CASZ1: variants seen among roughly 807,000 people sequenced by gnomAD.
The protein encoded by CASZ1 is zinc finger protein castor homolog 1.
A neutral mutation model predicts 135.2 loss-of-function variants in CASZ1; 28 were observed. That is an observed-to-expected ratio of 0.21 (90% CI 0.15 to 0.28). CASZ1 has a LOEUF of 0.28. Among genes scored for constraint, CASZ1 ranks in the 10% least tolerant of loss-of-function variants. The pLI, the probability that CASZ1 is intolerant of heterozygous loss-of-function variation, is 1.00. For synonymous variants in CASZ1, 1,068 were observed against 1,073.4 expected, an observed-to-expected ratio of 0.99 and a Z score of 0.10; for missense variants, 2,161 against 2,453.3, an observed-to-expected ratio of 0.88 and a Z score of 2.52.
chr1:10,792,219 GT>G lies in CASZ1; in HGVS notation c.-234+4344del, dbSNP rs34902302. ...ATTTCCTATAGCAGGGGTGGAGTCA[GT>G]TTTTTTTTTTTTTAAGTGTGCTCTT... is the stretch of plus-strand genomic sequence containing the variant. On this transcript the variant is annotated intron_variant, in intron 1 of 20. Coordinates refer to ENST00000377022, the MANE Select transcript of CASZ1 (RefSeq NM_001079843.3). Among the ~76,000 whole-genome samples the G allele has an allele frequency of 1.0e-2, 1,257 of 126,120 alleles. 14 individuals are homozygous for G. Among genetic ancestry groups the G allele is most frequent in the East Asian group, 0.02 (75 of 3,694 alleles). 82.7% of individuals were successfully genotyped at this position (126,120 alleles called of 152,430 possible). A position where few individuals can be genotyped will look rare whatever the true frequency, so the allele number is the denominator to read the frequency against.
chr1:10,783,368 C>A (rs1371806566), intron 1 of CASZ1, among the ~76,000 whole-genome samples: 2 of 151,560 alleles, frequency 1.3e-5, no homozygotes, highest in African/African-American at 4.9e-5. Context: ...TGTAAGAGTT[C>A]ATTCCAGGGC....
intron 1 of CASZ1, among the ~76,000 whole-genome samples, chr1:10,765,766 C>G (rs1414565266): frequency 6.6e-6 from 1 of 152,180 alleles, no homozygotes; most frequent in Non-Finnish European, 1.5e-5. Context: ...GCTTATGCGG[C>G]CTTTCCACAC....
At chr1:10,787,418 C>G (rs906893496) in intron 1 of CASZ1, among the ~76,000 whole-genome samples, 1 of 152,244 alleles carries the variant, frequency 6.6e-6, no homozygotes, top group Non-Finnish European at 1.5e-5. Context: ...CCCCAAGGAT[C>G]AGATTTCCCC....
Position 10,694,630 on chromosome 1 carries a change from C to CCCGCCCGCCGCCCG in CASZ1, c.-23-732_-23-719dup, listed in dbSNP as rs1345984841. Reference sequence around the variant, plus strand: ...GCCGCCGCCGCCGCCGCCCGGTGCGCCCGCCCGCCGCCCGCCGCCCGGTGC... The same window carrying CCCGCCCGCCGCCCG: ...GCCGCCGCCGCCGCCGCCCGGTGCGCCCGCCCGCCGCCCGCCGCCCGCCGCCCGCCGCCCGGTGC... On this transcript the variant is annotated intron_variant, in intron 3 of 20. Transcript: ENST00000377022. This position sits in a 1 kb window ranked among gnomAD's most constrained non-coding sequence, Gnocchi z 6.6. 7.0e-6 allele frequency among the ~76,000 whole-genome samples: 1 copy of CCCGCCCGCCGCCCG among 143,332 alleles called. No homozygotes were observed. The highest frequency in any genetic ancestry group is 2.5e-5 in the African/African-American group (1 of 39,952). 94.0% of individuals were successfully genotyped at this position (143,332 alleles called of 152,430 possible). A position where few individuals can be genotyped will look rare whatever the true frequency, so the allele number is the denominator to read the frequency against.
rs1640680312 is a variant in CASZ1, at chr1:10,777,392, G to A, written c.-233-16535C>T. ...ACCCACAAGCCTCCTTTCTCTTATT[G>A]GTCAAACCACCGCATCATTCCCACA... On this transcript the variant is annotated intron_variant, in intron 1 of 20. Transcript: ENST00000377022. This position sits in a 1 kb window ranked among gnomAD's most constrained non-coding sequence, Gnocchi z 4.4. 6.6e-6 allele frequency among the ~76,000 whole-genome samples: 1 copy of A among 151,942 alleles called. No individual in the cohort carries two copies. The highest frequency in any genetic ancestry group is 2.4e-5 in the African/African-American group (1 of 41,314).
intron 4 of CASZ1, among the ~76,000 whole-genome samples, chr1:10,678,009 C>A (rs1207216600): frequency 6.6e-6 from 1 of 152,212 alleles, no homozygotes; most frequent in African/African-American, 2.4e-5. Context: ...AGGAGGGGAC[C>A]TTTCTCTTGC....
chr1:10,641,700 G>T (rs1272218801), intron 20 of CASZ1, among the ~76,000 whole-genome samples: 1 of 152,216 alleles, frequency 6.6e-6, no homozygotes, highest in African/African-American at 2.4e-5. Context: ...GAAGGGACAG[G>T]TCCTGCCTTG....
intron 13 of CASZ1, 25 bp from the exon 14 acceptor site, chr1:10,649,462 G>A: frequency 1.3e-6 from 2 of 1,591,012 alleles, no homozygotes; most frequent in East Asian, 2.3e-5. Flanking sequence ...GGCCGAGCAT[G>A]GGGCTGGGGT....
intron 3 of CASZ1, among the ~76,000 whole-genome samples, chr1:10,696,861 T>A (rs1638944746): frequency 6.6e-6 from 1 of 152,150 alleles, no homozygotes; most frequent in African/African-American, 2.4e-5. Flanking sequence ...AAGGAAAGCA[T>A]CTTCCCTCCA....
chr1:10,728,123 C>A (rs1426461755), intron 2 of CASZ1, among the ~76,000 whole-genome samples: 1 of 152,226 alleles, frequency 6.6e-6, no homozygotes, highest in Non-Finnish European at 1.5e-5. Context: ...TGGCACCATG[C>A]CTGCCACATA....
At position 10,665,552 on chromosome 1, in the gene CASZ1, C is replaced by T. The variant is rs376260596; in HGVS notation, c.36G>A (p.Thr12=). ...DLGTAEGTRC[T]DPPAGKPAMA... ...TGGCGGGCTTGCCTGCAGGCGGGTC[C>T]GTGCACCGGGTGCCCTCAGCTGCAG... The change falls in exon 5 of 21, where the codon ACG becomes ACA. Residue 12 remains threonine (T), a synonymous_variant. Coordinates refer to ENST00000377022, the MANE Select transcript of CASZ1 (RefSeq NM_001079843.3). 26 of 1,569,552 alleles carry T rather than the reference C, an allele frequency of 1.7e-5. No homozygotes were observed. Among genetic ancestry groups the T allele is most frequent in the East Asian group, 6.9e-5 (3 of 43,380 alleles).
chr1:10,684,005 A>G (rs1638506957), intron 4 of CASZ1, among the ~76,000 whole-genome samples: 1 of 152,228 alleles, frequency 6.6e-6, no homozygotes, highest in African/African-American at 2.4e-5. Flanking sequence ...GCCCCGCACC[A>G]AGTCCTCTGA....
Position 10,777,404 on chromosome 1 carries a change from G to A in CASZ1, c.-233-16547C>T, listed in dbSNP as rs931528276. ...CCTTTCTCTTATTGGTCAAACCACC[G>A]CATCATTCCCACAAAATCCTCTGAG... On this transcript the variant is annotated intron_variant, in intron 1 of 20. Transcript: ENST00000377022. This position sits in a 1 kb window ranked among gnomAD's most constrained non-coding sequence, Gnocchi z 4.4. 5.9e-5 allele frequency among the ~76,000 whole-genome samples: 9 copies of A among 152,138 alleles called. No homozygotes were observed. The highest frequency in any genetic ancestry group is 2.1e-4 in the South Asian group (1 of 4,808).
At chr1:10,737,979 A>C (rs1639833302) in intron 2 of CASZ1, among the ~76,000 whole-genome samples, 1 of 152,160 alleles carries the variant, frequency 6.6e-6, no homozygotes, top group South Asian at 2.1e-4. Flanking sequence ...TTCCACAAAT[A>C]GTCACTCAAC....
At chr1:10,649,968 GGTC>G (rs1642509600) in intron 13 of CASZ1, 1 of 152,788 alleles carries the variant, frequency 6.5e-6, no homozygotes, top group Non-Finnish European at 1.5e-5. Flanking sequence ...GAAGGGAGGG[GGTC>G]GTGGGGGCGG....
intron 2 of CASZ1, among the ~76,000 whole-genome samples, chr1:10,712,538 G>A (rs1419720455): frequency 6.6e-6 from 1 of 152,134 alleles, no homozygotes; most frequent in East Asian, 1.9e-4. Context: ...GGGAAGCCAA[G>A]CCAGGGGGGT....
rs992750479 is a variant in CASZ1 at position 10,770,164 on chromosome 1, A to G, written c.-233-9307T>C. 3.3e-5 allele frequency among the ~76,000 whole-genome samples: 5 copies of G among 151,948 alleles called. No individual in the cohort carries two copies. In the East Asian group the frequency reaches 7.8e-4, roughly 24 times the overall value. ...CAATGGCACGATCTCGGCTCACTGC[A>G]GCCTCCACCTCCTGGGCTCAAGCCA... On this transcript the variant is annotated intron_variant, in intron 1 of 20. Coordinates refer to ENST00000377022, the MANE Select transcript of CASZ1 (RefSeq NM_001079843.3).
chr1:10,715,874 CAGCACCCAATCCACACCCCAG>C (rs1639377019), intron 2 of CASZ1, among the ~76,000 whole-genome samples: 2 of 130,334 alleles, frequency 1.5e-5, no homozygotes, highest in Non-Finnish European at 3.2e-5. Flanking sequence ...CCTCTCCCGG[CAGCACCCAATCCACACCCCAG>C]AGCACCCAAT....
rs543458174 is a variant in CASZ1, at chr1:10,747,532, G to A, written c.-77+13169C>T. Among the ~76,000 whole-genome samples the A allele has an allele frequency of 2.0e-5, 3 of 152,328 alleles. No individual in the cohort carries two copies. Among genetic ancestry groups the A allele is most frequent in the Non-Finnish European group, 4.4e-5 (3 of 68,030 alleles). The stretch of plus-strand genomic sequence containing the variant: ...CACCTCCAGTGAGTGAGCAGAAGCT[G>A]CAGTCCCTGTCCCGGGCTTTGCAGA... On this transcript the variant is annotated intron_variant, in intron 2 of 20. Transcript: ENST00000377022. The surrounding 1 kb of genome is among the most constrained non-coding windows in gnomAD (Gnocchi z 4.3).
Sources: gnomAD v4.1 joint callset for allele counts (sites outside exome capture counted in the v4.1 genomes callset) on GRCh38, gnomAD v4.1.1 for gene constraint, Gnocchi (gnomAD v3.1) non-coding constraint, MANE v1.5 for transcripts, NCBI Gene and HGNC (gene_info 2026-07-23, HGNC 2026-07-21) for gene names.